Variants in KCNMA1 observed in about 807,000 individuals in gnomAD.
KCNMA1 encodes Calcium-activated potassium channel subunit alpha-1.
In KCNMA1, 29 loss-of-function variants were observed where a neutral mutation model predicts 140.0. The observed-to-expected ratio is 0.21, with a 90% confidence interval of 0.15 to 0.28. The LOEUF (loss-of-function observed/expected upper bound fraction) is 0.28, where lower values mean the gene tolerates loss of function less well. KCNMA1 is among the 10% of genes least tolerant of loss of function. KCNMA1 has a pLI of 1.00. For synonymous variants in KCNMA1, 612 were observed against 611.9 expected (o/e 1.00, Z 0.00); for missense variants, 880 against 1,602.2 (o/e 0.55, Z 7.70).
At chr10:77,348,429 A>C (rs984997127) in intron 2 of KCNMA1, among the ~76,000 whole-genome samples, 1 of 152,214 alleles carries the variant, frequency 6.6e-6, no homozygotes, top group Non-Finnish European at 1.5e-5. Flanking sequence ...GTATGCCTGC[A>C]GACCTGGACA....
At chr10:77,130,650 T>G (rs1201175146) in intron 5 of KCNMA1, among the ~76,000 whole-genome samples, 1 of 152,030 alleles carries the variant, frequency 6.6e-6, no homozygotes, top group Non-Finnish European at 1.5e-5. Flanking sequence ...CTCTCAAAAC[T>G]TCACTAAACT....
chr10:76,915,128 T>C (rs1564879684), intron 23 of KCNMA1, 79 bp from the exon 24 acceptor site: 1 of 921,686 alleles, frequency 1.1e-6, no homozygotes. Context: ...ACTATATACA[T>C]ACAACCCCAA....
chr10:76,992,782 G>A (rs1024691865), intron 19 of KCNMA1, among the ~76,000 whole-genome samples: 4 of 152,154 alleles, frequency 2.6e-5, no homozygotes, highest in African/African-American at 4.8e-5. Flanking sequence ...CAGTAAAACC[G>A]AAAAGAAAAT....
intron 3 of KCNMA1, among the ~76,000 whole-genome samples, chr10:77,231,120 C>T (rs891079619): frequency 4.6e-5 from 7 of 152,132 alleles, no homozygotes; most frequent in African/African-American, 1.7e-4. Flanking sequence ...TTATCAAAAT[C>T]CTGTGATACT....
chr10:77,425,260 G>A (rs1024833811), intron 1 of KCNMA1, among the ~76,000 whole-genome samples: 2 of 152,142 alleles, frequency 1.3e-5, no homozygotes, highest in Admixed American at 1.3e-4. Context: ...TCCAAATCTT[G>A]GTTACCCTCA....
intron 1 of KCNMA1, among the ~76,000 whole-genome samples, chr10:77,527,862 G>A (rs186768765): frequency 2.6e-5 from 4 of 152,198 alleles, no homozygotes; most frequent in Non-Finnish European, 5.9e-5. Flanking sequence ...GCTCCATGCT[G>A]TGCGCACAGC....
intron 2 of KCNMA1, among the ~76,000 whole-genome samples, chr10:77,298,168 G>C (rs2075685234): frequency 6.6e-6 from 1 of 152,208 alleles, no homozygotes; most frequent in African/African-American, 2.4e-5. Flanking sequence ...AAAAAGGACT[G>C]AGAGAAGAAT....
chr10:77,607,675 T>C (rs570479797), intron 1 of KCNMA1, among the ~76,000 whole-genome samples: 2 of 152,302 alleles, frequency 1.3e-5, no homozygotes, highest in East Asian at 1.9e-4. Flanking sequence ...AGGTGGCTAC[T>C]GGAAGCTGCA....
At chr10:76,887,641 G>T in intron 27 of KCNMA1, 126 bp from the exon 28 acceptor site, 1 of 1,064,544 alleles carries the variant, frequency 9.4e-7, no homozygotes, top group Non-Finnish European at 1.4e-6. Context: ...TGCACTCCTA[G>T]CTGGTCTGAG....
intron 12 of KCNMA1, among the ~76,000 whole-genome samples, chr10:77,081,858 A>C (rs1021094486): frequency 2.6e-5 from 4 of 151,976 alleles, no homozygotes; most frequent in South Asian, 2.1e-4. Flanking sequence ...TAAACTGAGG[A>C]GGAAGGAGGA....
intron 1 of KCNMA1, among the ~76,000 whole-genome samples, chr10:77,457,976 C>T (rs1271321213): frequency 6.6e-6 from 1 of 151,898 alleles, no homozygotes; most frequent in African/African-American, 2.4e-5. Flanking sequence ...AGAGCAGCCT[C>T]CCATCAAATC....
intron 3 of KCNMA1, among the ~76,000 whole-genome samples, chr10:77,245,053 A>G (rs2058243283): frequency 6.6e-6 from 1 of 152,088 alleles, no homozygotes; most frequent in Non-Finnish European, 1.5e-5. Context: ...AGGGATGGAG[A>G]AAACTGGGGG....
At chr10:77,408,836 C>T (rs1023977096) in intron 1 of KCNMA1, among the ~76,000 whole-genome samples, 6 of 152,180 alleles carry the variant, frequency 3.9e-5, no homozygotes, top group African/African-American at 1.4e-4. Flanking sequence ...GGATCTGCCT[C>T]CAACCCTGCC....
At chr10:77,318,094 A>G (rs1280212247) in intron 2 of KCNMA1, among the ~76,000 whole-genome samples, 1 of 152,132 alleles carries the variant, frequency 6.6e-6, no homozygotes, top group African/African-American at 2.4e-5. Context: ...ATCTCGTGTA[A>G]TTACCATAGG....
intron 1 of KCNMA1, among the ~76,000 whole-genome samples, chr10:77,415,966 G>A (rs1228880114): frequency 6.6e-6 from 1 of 152,190 alleles, no homozygotes; most frequent in Non-Finnish European, 1.5e-5. Flanking sequence ...TGGCAGAGCT[G>A]GCATTTGACA....
intron 9 of KCNMA1, among the ~76,000 whole-genome samples, chr10:77,103,860 T>C (rs1359003767): frequency 6.6e-6 from 1 of 152,090 alleles, no homozygotes; most frequent in African/African-American, 2.4e-5. Flanking sequence ...AGCCCCAAAG[T>C]GAAGCTCATG....
At chr10:77,439,164 A>AAAAGAGAAGAG (rs1566859466) in intron 1 of KCNMA1, among the ~76,000 whole-genome samples, 15 of 117,404 alleles carry the variant, frequency 1.3e-4, no homozygotes, top group Non-Finnish European at 2.2e-4. Context: ...GAAGAGAAGA[A>AAAAGAGAAGAG]AAGAAAAGAG....
chr10:77,397,187 T>TCC (rs75342384), intron 2 of KCNMA1, among the ~76,000 whole-genome samples: 9,568 of 152,204 alleles, frequency 0.063, 375 homozygotes, highest in East Asian at 0.17. Context: ...TCTGTAACGC[T>TCC]CCTTTACAAA....
chr10:77,306,838 C>T (rs576891396), intron 2 of KCNMA1, among the ~76,000 whole-genome samples: 5 of 152,142 alleles, frequency 3.3e-5, no homozygotes, highest in East Asian at 1.9e-4. Context: ...ACCCAGCTTA[C>T]GCAAAAAGGG....
Sources: gnomAD v4.1 joint callset for allele counts (sites outside exome capture counted in the v4.1 genomes callset) on GRCh38, gnomAD v4.1.1 for gene constraint, MANE v1.5 for transcripts, NCBI Gene and HGNC (gene_info 2026-07-23, HGNC 2026-07-21) for gene names.